HERC2: variants seen among roughly 807,000 people sequenced by gnomAD.
HERC2 encodes E3 ubiquitin-protein ligase HERC2.
HERC2 carries 102 observed loss-of-function variants against 537.7 expected under a neutral mutation model. The observed-to-expected ratio is 0.19, with a 90% CI of 0.16 to 0.22. The LOEUF (loss-of-function observed/expected upper bound fraction) is 0.22. Ranked by LOEUF, HERC2 falls within the 10% of genes least tolerant of loss-of-function variation. The probability of loss-of-function intolerance (pLI) is 1.00; values close to 1 mark genes in which losing one functional copy is unlikely to be tolerated. For synonymous variants in HERC2, 2,224 were observed against 2,466.2 expected (o/e 0.90, Z 2.91); for missense variants, 4,236 against 6,198.2 (o/e 0.68, Z 10.63).
At chr15:28,146,131 CT>C in intron 71 of HERC2, 105 bp downstream of exon 71, 4 of 782,530 alleles carry the variant, frequency 5.1e-6, no homozygotes, top group Non-Finnish European at 8.6e-6. Context: ...TTCCTTAAGA[CT>C]TCCATGAGAA....
At chr15:28,119,598 C>T (rs1460836156) in intron 86 of HERC2, among the ~76,000 whole-genome samples, 2 of 151,770 alleles carry the variant, frequency 1.3e-5, no homozygotes, top group Non-Finnish European at 2.9e-5. Context: ...GGACTACAGG[C>T]ACCCACCACC....
At chr15:28,208,547 C>G (rs1359264775) in intron 44 of HERC2, among the ~76,000 whole-genome samples, 6 of 152,096 alleles carry the variant, frequency 3.9e-5, no homozygotes, top group African/African-American at 1.4e-4. Context: ...TGGCCCCTAC[C>G]ACAGCTTTCC....
Position 28,261,140 on chromosome 15 carries a change from A to C in HERC2, c.2123-170T>G, listed in dbSNP as rs559349675. On this transcript the variant is annotated intron_variant, in intron 15 of 92. Transcript: ENST00000261609. ...CATTTGCTTTGGGTGTGTTATTAAAACTGCTGTATTTTGTCAGCTACAATT... is the reference window on the plus strand; with the variant it reads ...CATTTGCTTTGGGTGTGTTATTAAACCTGCTGTATTTTGTCAGCTACAATT... Among the ~76,000 whole-genome samples the C allele has an allele frequency of 4.6e-4, 70 of 152,312 alleles. No individual in the cohort carries two copies. In the South Asian group the frequency reaches 0.013, roughly 29 times the overall value.
chr15:28,123,195 C>G (rs969409716), intron 85 of HERC2, among the ~76,000 whole-genome samples: 5 of 152,160 alleles, frequency 3.3e-5, no homozygotes, highest in African/African-American at 1.2e-4. Flanking sequence ...CAGCAGAAAT[C>G]GTTCTAGCCA....
At chr15:28,284,053 T>C (rs891430830) in intron 4 of HERC2, among the ~76,000 whole-genome samples, 5 of 152,232 alleles carry the variant, frequency 3.3e-5, no homozygotes, top group African/African-American at 1.2e-4. Context: ...TTATACAGCA[T>C]GCTTAATAAT....
intron 19 of HERC2, 105 bp downstream of exon 19, chr15:28,255,767 A>G (rs2075238890): frequency 4.0e-6 from 5 of 1,241,700 alleles, no homozygotes; most frequent in African/African-American, 3.0e-5. Context: ...CTTGGATATG[A>G]TAAAAGTTTA....
At chr15:28,160,596 G>A (rs1566956418) in intron 69 of HERC2, among the ~76,000 whole-genome samples, 1 of 152,232 alleles carries the variant, frequency 6.6e-6, no homozygotes, top group Non-Finnish European at 1.5e-5. Flanking sequence ...ACAGTATTAG[G>A]GTGGGAGTGA....
Position 28,121,388 on chromosome 15 carries a change from G to A in HERC2, c.13230C>T (p.Arg4410=), listed in dbSNP as rs770779069. The A allele has an allele frequency of 2.4e-5, 39 of 1,614,062 alleles. No homozygotes were observed. Among genetic ancestry groups the A allele is most frequent in the Middle Eastern group, 3.3e-4 (2 of 6,082 alleles). The change falls in exon 86 of 93, where the codon CGC becomes CGT. Residue 4410 remains arginine (R), a synonymous_variant. Transcript: ENST00000261609. Reference sequence around the variant, plus strand: ...CCACGACGGGGCCATGCTGACGATCGCGTACCATAGTTGCTTGTACTACTT... The same window carrying A: ...CCACGACGGGGCCATGCTGACGATCACGTACCATAGTTGCTTGTACTACTT... ...FRKVVQATMV[R]DRQHGPVVEL...
chr15:28,256,963 G>A (rs147020948), intron 17 of HERC2, 98 bp downstream of exon 17: 56 of 999,866 alleles, frequency 5.6e-5, no homozygotes, highest in Middle Eastern at 2.2e-4. Context: ...ATATTTCACC[G>A]AACAGGCTAA....
rs539450058 is a variant in HERC2, at chr15:28,243,384, C to G, written c.3577+2497G>C. Among the ~76,000 whole-genome samples, 88 of 152,222 alleles carry G rather than the reference C, an allele frequency of 5.8e-4. 2 individuals are homozygous for G. The highest frequency in any genetic ancestry group is 2.0e-3 in the African/African-American group (85 of 41,540). On this transcript the variant is annotated intron_variant, in intron 23 of 92. Coordinates refer to ENST00000261609, the MANE Select transcript of HERC2 (RefSeq NM_004667.6). ...AAATGAACAACCATTAAAACAGAAA[C>G]AAACTGGATTTCACGAATATTACTT...
chr15:28,191,275 G>A (rs370357911), intron 53 of HERC2, 31 bp from the exon 54 acceptor site: 145 of 1,455,702 alleles, frequency 1.0e-4, no homozygotes, highest in Non-Finnish European at 1.4e-4. Context: ...CACATTCTCA[G>A]TTAGCAAAAT....
In HERC2 at chr15:28,176,938, G is replaced by C; in HGVS notation, c.9432+12C>G. The C allele has an allele frequency of 6.2e-7, 1 of 1,605,950 alleles. No individual in the cohort carries two copies. The highest frequency in any genetic ancestry group is 8.5e-7 in the Non-Finnish European group (1 of 1,174,078). On this transcript the variant is annotated intron_variant, in intron 61 of 92. Transcript: ENST00000261609. This position sits in a 1 kb window ranked among gnomAD's most constrained non-coding sequence, Gnocchi z 5.0. ...TAAGCTTTCTGCAAGCAACAAAAAT[G>C]CGTATAATCACCATTTTGGGCTTTA...
intron 40 of HERC2, 59 bp downstream of exon 40, chr15:28,214,596 T>G: frequency 6.3e-7 from 1 of 1,593,814 alleles, no homozygotes. Flanking sequence ...GCCACCCACC[T>G]GAGTGACGGC....
rs138904231 is a variant in HERC2, at chr15:28,171,890, C to T, written c.10058-2235G>A. On this transcript the variant is annotated intron_variant, in intron 65 of 92. Coordinates refer to ENST00000261609, the MANE Select transcript of HERC2 (RefSeq NM_004667.6). ...GAGATCGATTCTGTCCTGGCTAACA[C>T]GGTGAAACCCCGTCTCTACTAAAAA... 1.1e-4 allele frequency among the ~76,000 whole-genome samples: 16 copies of T among 151,978 alleles called. No homozygotes were observed. The East Asian group carries it at 1.7e-3, about 17-fold the overall frequency.
At chr15:28,243,753 C>T (rs1903372002) in intron 23 of HERC2, among the ~76,000 whole-genome samples, 1 of 152,164 alleles carries the variant, frequency 6.6e-6, no homozygotes, top group Non-Finnish European at 1.5e-5. Flanking sequence ...GGAAGTGGAA[C>T]ACTGAGAATT....
Position 28,260,937 on chromosome 15 carries a change from G to A in HERC2, c.2156C>T (p.Thr719Ile). The change falls in exon 16 of 93, where the codon ACC (threonine) becomes ATC (isoleucine). Residue 719 changes from threonine to isoleucine, a missense_variant. Physicochemically the swap from Thr to Ile is moderately conservative, Grantham distance 89. Coordinates refer to ENST00000261609, the MANE Select transcript of HERC2 (RefSeq NM_004667.6). ...GTCCTCAGTCAGAGCCAGGCAGTGGGTGGAGCCTGCAGCCACATCAATCAC... is the reference window on the plus strand; with the variant it reads ...GTCCTCAGTCAGAGCCAGGCAGTGGATGGAGCCTGCAGCCACATCAATCAC... The part of the protein sequence containing the change: ...KKVIDVAAGS[T>I]HCLALTEDSE... The A allele has an allele frequency of 6.2e-7, 1 of 1,613,932 alleles. No individual in the cohort carries two copies.
In HERC2 at chr15:28,117,761, C is replaced by A. The variant is rs545203740; in HGVS notation, c.13273-607G>T. The A allele has an allele frequency of 6.2e-4, 220 of 357,640 alleles. No homozygotes were observed. In the East Asian group the frequency reaches 0.01, roughly 17 times the overall value. The allele number at this position is 357,640 out of a possible 1,614,324, so 22.2% of individuals were successfully genotyped here. A position where few individuals can be genotyped will look rare whatever the true frequency, so the allele number is the denominator to read the frequency against. ...CCAACACAGGCAGTCACTCCCTGCC[C>A]ATCCTTCTCATCCTAAGCTACAATT... On this transcript the variant is annotated intron_variant, in intron 86 of 92. Coordinates refer to ENST00000261609, the MANE Select transcript of HERC2 (RefSeq NM_004667.6).
At chr15:28,223,371 G>A (rs969099123) in intron 35 of HERC2, among the ~76,000 whole-genome samples, 4 of 152,148 alleles carry the variant, frequency 2.6e-5, no homozygotes, top group African/African-American at 9.7e-5. Context: ...AGGTGGGCTT[G>A]GGCGGACCAA....
chr15:28,242,148 T>C (rs1567060100), intron 23 of HERC2, among the ~76,000 whole-genome samples: 1 of 152,200 alleles, frequency 6.6e-6, no homozygotes, highest in Non-Finnish European at 1.5e-5. Context: ...GAATGGTAGT[T>C]GCCAGGTGCT....
Sources: gnomAD v4.1 joint callset for allele counts (sites outside exome capture counted in the v4.1 genomes callset) on GRCh38, gnomAD v4.1.1 for gene constraint, Gnocchi (gnomAD v3.1) non-coding constraint, MANE v1.5 for transcripts, NCBI Gene and HGNC (gene_info 2026-07-23, HGNC 2026-07-21) for gene names.